Variants in MBD5 observed in about 807,000 individuals in gnomAD.
The protein encoded by MBD5 is methyl-CpG binding domain protein 5.
MBD5 carries 13 observed loss-of-function variants against 117.3 expected under a neutral mutation model. That is an observed-to-expected ratio of 0.11 (90% confidence interval 0.07 to 0.18). MBD5 has a LOEUF of 0.18. MBD5 is among the 10% of genes least tolerant of loss of function. The probability of loss-of-function intolerance (pLI) is 1.00; values close to 1 mark genes in which losing one functional copy is unlikely to be tolerated. For missense variants in MBD5, 1,879 were observed against 2,093.8 expected (o/e 0.90, Z 2.00); for synonymous variants, 727 against 766.4 (o/e 0.95, Z 0.85).
chr2:148,509,887 A>G (rs1574506653), intron 12 of MBD5, among the ~76,000 whole-genome samples, 173 bp from the exon 13 acceptor site: 1 of 152,224 alleles, frequency 6.6e-6, no homozygotes, highest in East Asian at 1.9e-4. Flanking sequence ...TTTAATCATT[A>G]GTATTCAGTG....
At chr2:148,427,764 A>T (rs978891763) in intron 4 of MBD5, among the ~76,000 whole-genome samples, 2 of 152,140 alleles carry the variant, frequency 1.3e-5, no homozygotes, top group African/African-American at 2.4e-5. Flanking sequence ...CGTTGTGCAG[A>T]TGTACCCTAA....
At chr2:148,272,346 A>G (rs1315414429) in intron 3 of MBD5, among the ~76,000 whole-genome samples, 1 of 152,146 alleles carries the variant, frequency 6.6e-6, no homozygotes, top group Non-Finnish European at 1.5e-5. Flanking sequence ...AAGTTTTTTG[A>G]GGAACTTCCA....
intron 1 of MBD5, among the ~76,000 whole-genome samples, chr2:148,082,797 C>T (rs1695676681): frequency 6.6e-6 from 1 of 152,158 alleles, no homozygotes; most frequent in East Asian, 1.9e-4. Flanking sequence ...ATAATCTTAC[C>T]TTTTTGCTGG....
At chr2:148,364,545 G>A (rs1703637843) in intron 4 of MBD5, among the ~76,000 whole-genome samples, 1 of 152,118 alleles carries the variant, frequency 6.6e-6, no homozygotes, top group African/African-American at 2.4e-5. Context: ...ACACAGGCTG[G>A]CAAATCGGAC....
chr2:148,487,138 T>G (rs1425610108), intron 10 of MBD5, among the ~76,000 whole-genome samples: 1 of 152,210 alleles, frequency 6.6e-6, no homozygotes, highest in Non-Finnish European at 1.5e-5. Context: ...TATGGAAAGA[T>G]CTGTAAGACT....
intron 1 of MBD5, among the ~76,000 whole-genome samples, chr2:148,077,081 C>T (rs1695527252): frequency 6.6e-6 from 1 of 152,162 alleles, no homozygotes; most frequent in South Asian, 2.1e-4. Flanking sequence ...TAATCCTGCA[C>T]AGAAAAAAGT....
At chr2:148,294,236 T>G (rs112875803) in intron 3 of MBD5, among the ~76,000 whole-genome samples, 18,047 of 74,742 alleles carry the variant, frequency 0.24, 2,096 homozygotes, top group Middle Eastern at 0.36. Flanking sequence ...TTTTTTTTTT[T>G]TTTTTTGAGA....
At chr2:148,063,613 A>C (rs964437964) in intron 1 of MBD5, among the ~76,000 whole-genome samples, 1 of 151,984 alleles carries the variant, frequency 6.6e-6, no homozygotes, top group Non-Finnish European at 1.5e-5. Context: ...CCTGTGCTAC[A>C]CATATTTTGG....
chr2:148,145,073 T>C (rs1231314149), intron 1 of MBD5, among the ~76,000 whole-genome samples: 3 of 152,308 alleles, frequency 2.0e-5, no homozygotes, highest in East Asian at 3.9e-4. Flanking sequence ...ATTATTCCTA[T>C]TCATGAGCAT....
chr2:148,140,764 CT>C (rs912432089), intron 1 of MBD5, among the ~76,000 whole-genome samples: 143 of 144,430 alleles, frequency 9.9e-4, no homozygotes, highest in Middle Eastern at 3.6e-3. Context: ...TAATGCTGTT[CT>C]TTTTTTTTTT....
chr2:148,183,986 GTTCAACTCCATCATTCC>G (rs1198325502), intron 2 of MBD5, among the ~76,000 whole-genome samples: 2 of 149,488 alleles, frequency 1.3e-5, no homozygotes, highest in East Asian at 3.9e-4. Flanking sequence ...TTTTTGGCCT[GTTCAACTCCATCATTCC>G]TTCAAATACA....
chr2:148,095,924 A>T (rs1696058104), intron 1 of MBD5, among the ~76,000 whole-genome samples: 1 of 152,166 alleles, frequency 6.6e-6, no homozygotes, highest in Non-Finnish European at 1.5e-5. Flanking sequence ...GAAAGAGAAT[A>T]TAGAAAAAGT....
At chr2:148,366,056 A>T (rs904592683) in intron 4 of MBD5, among the ~76,000 whole-genome samples, 1 of 152,210 alleles carries the variant, frequency 6.6e-6, no homozygotes, top group Non-Finnish European at 1.5e-5. Flanking sequence ...TCCTTGATGA[A>T]TATCGATGTA....
intron 3 of MBD5, among the ~76,000 whole-genome samples, chr2:148,235,991 G>T (rs1206833948): frequency 1.3e-5 from 2 of 151,962 alleles, no homozygotes; most frequent in Admixed American, 6.6e-5. Context: ...TAGAGACAGG[G>T]TTTTGCCATG....
Position 148,451,962 on chromosome 2 carries a change from G to C in MBD5, c.-556-6241G>C, listed in dbSNP as rs149608649. Among the ~76,000 whole-genome samples, 380 of 152,150 alleles carry C rather than the reference G, an allele frequency of 2.5e-3. 2 individuals carry two copies. The highest frequency in any genetic ancestry group is 0.011 in the South Asian group (54 of 4,814). ...AATTGGGTGTTGATTCTGTCCCACTGTGTCTCCCAGTATTCCCATCCACTG... is the reference window on the plus strand; with the variant it reads ...AATTGGGTGTTGATTCTGTCCCACTCTGTCTCCCAGTATTCCCATCCACTG... On this transcript the variant is annotated intron_variant, in intron 4 of 13. Transcript: ENST00000642680.
At chr2:148,284,847 G>A (rs1701334954) in intron 3 of MBD5, among the ~76,000 whole-genome samples, 1 of 152,018 alleles carries the variant, frequency 6.6e-6, no homozygotes, top group African/African-American at 2.4e-5. Flanking sequence ...ATACAAAATA[G>A]TAAATATATT....
chr2:148,131,114 A>T (rs1697034939), intron 1 of MBD5, among the ~76,000 whole-genome samples: 1 of 152,216 alleles, frequency 6.6e-6, no homozygotes, highest in Non-Finnish European at 1.5e-5. Flanking sequence ...TTATCAACTA[A>T]TGCAATGATT....
intron 4 of MBD5, among the ~76,000 whole-genome samples, chr2:148,435,327 T>A (rs1706122438): frequency 6.6e-6 from 1 of 152,124 alleles, no homozygotes; most frequent in Non-Finnish European, 1.5e-5. Flanking sequence ...GTTATGCAGA[T>A]TTGTTTGTGT....
rs753563585 is a variant in MBD5, at chr2:148,118,595, G to GA, written c.-924-60094dup. Among the ~76,000 whole-genome samples the GA allele has an allele frequency of 1.3e-3, 181 of 139,810 alleles. 1 individual carries two copies. The highest frequency in any genetic ancestry group is 3.9e-3 in the South Asian group (17 of 4,382). The allele number at this position is 139,810 out of a possible 152,430, so 91.7% of individuals were successfully genotyped here. ...CTACACTCCAGCCTGGGTGAAAAAA[G>GA]AAAAAAAAAAACTATTAAAATTCAT... On this transcript the variant is annotated intron_variant, in intron 1 of 13. Transcript: ENST00000642680.
Sources: allele counts gnomAD v4.1 joint callset (sites outside exome capture counted in the v4.1 genomes callset), GRCh38; gene constraint gnomAD v4.1.1; transcripts MANE v1.5; gene names NCBI Gene and HGNC (gene_info 2026-07-23, HGNC 2026-07-21).